The following NLGN1 variants were observed in gnomAD, a reference collection of about 807,000 sequenced individuals.
The protein encoded by NLGN1 is neuroligin 1, also known as neuroligin-1.
A neutral mutation model predicts 65.5 loss-of-function variants in NLGN1; 12 were observed. The ratio of observed to expected loss-of-function variants is 0.18; its 90% CI spans 0.12 to 0.30. The LOEUF is 0.30. NLGN1 is among the 10% of genes least tolerant of loss of function. NLGN1 has a pLI of 1.00. For missense variants in NLGN1, 750 were observed against 1,007.1 expected, an observed-to-expected ratio of 0.74 and a Z score of 3.46; for synonymous variants, 350 against 359.5, an observed-to-expected ratio of 0.97 and a Z score of 0.30.
At chr3:174,083,785 G>A (rs577696537) in intron 4 of NLGN1, among the ~76,000 whole-genome samples, 1 of 151,406 alleles carries the variant, frequency 6.6e-6, no homozygotes, top group Non-Finnish European at 1.5e-5. Flanking sequence ...TATAACCACA[G>A]CAAACAAGGA....
intron 3 of NLGN1, among the ~76,000 whole-genome samples, chr3:173,797,976 T>G (rs143943158): frequency 3.3e-5 from 5 of 152,224 alleles, no homozygotes; most frequent in Admixed American, 3.3e-4. Flanking sequence ...GAATGATTCC[T>G]CATAGAAATC....
At chr3:174,000,940 C>T (rs959991606) in intron 4 of NLGN1, among the ~76,000 whole-genome samples, 2 of 151,994 alleles carry the variant, frequency 1.3e-5, no homozygotes, top group African/African-American at 4.8e-5. Flanking sequence ...CCAGGTTATC[C>T]CGGGAGCCCA....
chr3:173,550,748 A>T (rs952744914), intron 2 of NLGN1, among the ~76,000 whole-genome samples: 11 of 151,368 alleles, frequency 7.3e-5, no homozygotes, highest in Non-Finnish European at 1.5e-4. Flanking sequence ...TTTTACTAAC[A>T]CAGGCGTTAA....
At chr3:174,203,657 C>T (rs1251555912) in intron 4 of NLGN1, among the ~76,000 whole-genome samples, 1 of 152,164 alleles carries the variant, frequency 6.6e-6, no homozygotes, top group Non-Finnish European at 1.5e-5. Flanking sequence ...ACCACGCTTC[C>T]AGCATCACCA....
intron 3 of NLGN1, among the ~76,000 whole-genome samples, chr3:173,702,939 A>G (rs1321009811): frequency 6.6e-6 from 1 of 152,236 alleles, no homozygotes; most frequent in Non-Finnish European, 1.5e-5. Flanking sequence ...CACAAAGACT[A>G]TAAAACATTT....
intron 4 of NLGN1, among the ~76,000 whole-genome samples, chr3:173,860,797 C>T (rs910135460): frequency 6.6e-6 from 1 of 152,128 alleles, no homozygotes; most frequent in Non-Finnish European, 1.5e-5. Flanking sequence ...TCCACAGTGT[C>T]TGCCTCTAAC....
intron 4 of NLGN1, among the ~76,000 whole-genome samples, chr3:173,914,403 C>A (rs941960409): frequency 5.9e-5 from 9 of 151,974 alleles, no homozygotes; most frequent in African/African-American, 2.2e-4. Flanking sequence ...GAAAATGAAG[C>A]ATGTGAAGCA....
At chr3:173,424,241 C>A (rs1182920194) in intron 1 of NLGN1, among the ~76,000 whole-genome samples, 1 of 152,174 alleles carries the variant, frequency 6.6e-6, no homozygotes, top group African/African-American at 2.4e-5. Flanking sequence ...CCCTCCTAGG[C>A]CTCTGGGTCT....
intron 4 of NLGN1, among the ~76,000 whole-genome samples, chr3:173,860,045 T>C (rs537584998): frequency 6.6e-6 from 1 of 152,156 alleles, no homozygotes; most frequent in South Asian, 2.1e-4. Flanking sequence ...ATTTTGTTTC[T>C]TTGTTTTCCT....
In NLGN1 at chr3:173,548,020, TATA is replaced by T. The variant is rs139509922; in HGVS notation, c.-320-56254_-320-56252del. ...CCTCCCCACAATCATTTTCTCCCAC[TATA>T]ATAACTTATTCGTTAATTTACTTAC... On this transcript the variant is annotated intron_variant, in intron 2 of 6. Transcript: ENST00000457714. 6.6e-4 allele frequency among the ~76,000 whole-genome samples: 101 copies of T among 152,254 alleles called. No individual in the cohort carries two copies. In the East Asian group the frequency reaches 0.013, roughly 20 times the overall value.
chr3:173,526,577 C>A (rs747444140), intron 2 of NLGN1, among the ~76,000 whole-genome samples: 5 of 152,216 alleles, frequency 3.3e-5, no homozygotes, highest in Non-Finnish European at 7.4e-5. Flanking sequence ...TCTATTGCTT[C>A]AAGCATTTAT....
chr3:174,290,009 T>C (rs1396367219), downstream of NLGN1, among the ~76,000 whole-genome samples: 1 of 139,798 alleles, frequency 7.2e-6, no homozygotes, highest in Admixed American at 7.3e-5. Context: ...TTTTTAAATT[T>C]ATCTGGAAAT....
Position 173,667,982 on chromosome 3 carries a change from A to G in NLGN1, c.493+62891A>G, listed in dbSNP as rs533309488. Among the ~76,000 whole-genome samples, 26 of 152,300 alleles carry G rather than the reference A, an allele frequency of 1.7e-4. No individual in the cohort carries two copies. The South Asian group carries it at 5.4e-3, about 32-fold the overall frequency. On this transcript the variant is annotated intron_variant, in intron 3 of 6. Transcript: ENST00000457714. ...GAAACATATATAACTTCTTAATTTAATAATGTATTATGTCTCATTCATTCA... is the reference window on the plus strand; with the variant it reads ...GAAACATATATAACTTCTTAATTTAGTAATGTATTATGTCTCATTCATTCA...
chr3:173,762,455 A>G (rs987855696), intron 3 of NLGN1, among the ~76,000 whole-genome samples: 1 of 152,126 alleles, frequency 6.6e-6, no homozygotes, highest in Admixed American at 6.6e-5. Flanking sequence ...ATTAAAATCT[A>G]GATGAGATGA....
At chr3:173,823,837 G>T (rs887777765) in intron 4 of NLGN1, among the ~76,000 whole-genome samples, 2 of 151,134 alleles carry the variant, frequency 1.3e-5, no homozygotes, top group Admixed American at 6.6e-5. Context: ...TACATGATAT[G>T]AATATATTAT....
At chr3:174,032,570 G>C (rs890382112) in intron 4 of NLGN1, among the ~76,000 whole-genome samples, 2 of 152,198 alleles carry the variant, frequency 1.3e-5, no homozygotes, top group African/African-American at 4.8e-5. Flanking sequence ...ACTTGCTACA[G>C]CCTGAGTGTG....
intron 3 of NLGN1, among the ~76,000 whole-genome samples, chr3:173,776,440 G>A (rs1247965087): frequency 6.6e-6 from 1 of 151,964 alleles, no homozygotes; most frequent in East Asian, 1.9e-4. Context: ...TCAGTTACCT[G>A]ATTAAGATTT....
chr3:174,203,118 T>A (rs1011994838), intron 4 of NLGN1, among the ~76,000 whole-genome samples: 1 of 152,200 alleles, frequency 6.6e-6, no homozygotes, highest in Non-Finnish European at 1.5e-5. Flanking sequence ...AGCTCTCTCC[T>A]CCTATGATTA....
rs150448121 is a variant in NLGN1 at position 174,130,749 on chromosome 3, C to T, written c.647-144566C>T. On this transcript the variant is annotated intron_variant, in intron 4 of 6. Coordinates refer to ENST00000457714, the Ensembl canonical transcript of NLGN1. Reference sequence around the variant, plus strand: ...TTGGGAGAGTTACACTCATTAATGACGGAAGAATGAGTAGAGTATAAAGGG... The same window carrying T: ...TTGGGAGAGTTACACTCATTAATGATGGAAGAATGAGTAGAGTATAAAGGG... Among the ~76,000 whole-genome samples, 103 of 151,816 alleles carry T rather than the reference C, an allele frequency of 6.8e-4. 1 individual carries two copies. The highest frequency in any genetic ancestry group is 3.5e-3 in the East Asian group (18 of 5,170).
Sources: gnomAD v4.1 joint callset for allele counts (sites outside exome capture counted in the v4.1 genomes callset) on GRCh38, gnomAD v4.1.1 for gene constraint, MANE v1.5 for transcripts, NCBI Gene and HGNC (gene_info 2026-07-23, HGNC 2026-07-21) for gene names.